Variants in CLASP2 observed in about 807,000 individuals in gnomAD.
CLASP2 encodes cytoplasmic linker associated protein 2, also known as CLIP-associating protein 2.
Under a neutral mutation model 194.4 loss-of-function variants are expected in CLASP2, and 47 were observed. The observed-to-expected ratio is 0.24, with a 90% CI of 0.19 to 0.31. The LOEUF is 0.31. Among genes scored for constraint, CLASP2 ranks in the 10% least tolerant of loss-of-function variants. CLASP2 has a pLI of 1.00. For synonymous variants in CLASP2, 619 were observed against 633.5 expected (o/e 0.98, Z 0.34); for missense variants, 1,445 against 1,823.6 (o/e 0.79, Z 3.78).
intron 12 of CLASP2, among the ~76,000 whole-genome samples, chr3:33,616,811 C>A (rs1401902456): frequency 3.5e-5 from 5 of 143,142 alleles, no homozygotes; most frequent in Non-Finnish European, 1.5e-5. Flanking sequence ...AATCTCGGCT[C>A]ACTGCAACCT....
chr3:33,587,567 T>A (rs2067695127), intron 21 of CLASP2, among the ~76,000 whole-genome samples: 1 of 152,256 alleles, frequency 6.6e-6, no homozygotes, highest in African/African-American at 2.4e-5. Context: ...AAAGCAGTGT[T>A]TCCAATGAAA....
chr3:33,717,825 C>G lies in CLASP2; in HGVS notation c.178G>C (p.Gly60Arg). 3 of 1,560,484 alleles carry G rather than the reference C, an allele frequency of 1.9e-6. No individual in the cohort carries two copies. Among genetic ancestry groups the G allele is most frequent in the Non-Finnish European group, 2.6e-6 (3 of 1,152,942 alleles). Residue 60 changes from glycine to arginine, a missense_variant, in exon 1 of 39, where the codon GGT (glycine) becomes CGT (arginine). Gly to Arg is a moderately radical substitution (Grantham distance 125, BLOSUM62 -2). Coordinates refer to ENST00000682230, the MANE Select transcript of CLASP2 (RefSeq NM_001365631.1). ...TCGCTTACCCGGTAGTTGCTCGAAC[C>G]CACCCAGCCGGTGAGCGCGTCGACT... Reference protein sequence around the residue: ...KTVDALTGWVGSSNYRVSLMG... With the variant: ...KTVDALTGWVRSSNYRVSLMG...
intron 2 of CLASP2, among the ~76,000 whole-genome samples, chr3:33,696,353 CTTTTTTT>C (rs962854814): frequency 1.3e-3 from 70 of 52,744 alleles, no homozygotes; most frequent in African/African-American, 1.9e-3. Context: ...TTCTTTCTTT[CTTTTTTT>C]TTTTTTTTTT....
rs2048189726 is a variant in CLASP2 at position 33,506,377 on chromosome 3, C to CAAAAA, written c.4317+4180_4317+4181insTTTTT. 1.2e-3 allele frequency among the ~76,000 whole-genome samples: 74 copies of CAAAAA among 61,876 alleles called. 13 individuals carry two copies. The highest frequency in any genetic ancestry group is 2.1e-3 in the African/African-American group (36 of 17,540). The allele number at this position is 61,876 out of a possible 152,430, so 40.6% of individuals were successfully genotyped here. A position where few individuals can be genotyped will look rare whatever the true frequency, so the allele number is the denominator to read the frequency against. The stretch of plus-strand genomic sequence containing the variant: ...TGGGTGACAGAGTGAGACTCTGTCT[C>CAAAAA]GAAAAAAAAAAAAAAAAAAAAAAAA... On this transcript the variant is annotated intron_variant, in intron 37 of 38. Coordinates refer to ENST00000682230, the MANE Select transcript of CLASP2 (RefSeq NM_001365631.1).
At chr3:33,682,014 T>C (rs952657007) in intron 6 of CLASP2, among the ~76,000 whole-genome samples, 20 of 151,696 alleles carry the variant, frequency 1.3e-4, no homozygotes, top group Admixed American at 2.0e-4. Flanking sequence ...CCTCATCACT[T>C]TCCACTGTGA....
intron 8 of CLASP2, among the ~76,000 whole-genome samples, chr3:33,639,828 TAATA>T (rs2080957300): frequency 1.3e-5 from 2 of 152,236 alleles, no homozygotes; most frequent in Admixed American, 1.3e-4. Flanking sequence ...GGATTAAAAA[TAATA>T]AATATGTATG....
intron 37 of CLASP2, among the ~76,000 whole-genome samples, chr3:33,507,982 GTA>G (rs1488457890): frequency 6.7e-6 from 1 of 149,818 alleles, no homozygotes; most frequent in African/African-American, 2.4e-5. Context: ...GTGTGTGTGT[GTA>G]TATATATAAT....
chr3:33,666,489 T>C (rs2086194051), intron 6 of CLASP2, among the ~76,000 whole-genome samples: 1 of 152,232 alleles, frequency 6.6e-6, no homozygotes, highest in Non-Finnish European at 1.5e-5. Flanking sequence ...CTTTTGTGAC[T>C]GGCTTCTTTC....
At chr3:33,569,406 T>C (rs2063349736) in intron 26 of CLASP2, among the ~76,000 whole-genome samples, 1 of 152,222 alleles carries the variant, frequency 6.6e-6, no homozygotes, top group Non-Finnish European at 1.5e-5. Context: ...TTAATAACTA[T>C]ATATTTCAAA....
intron 13 of CLASP2, 96 bp from the exon 14 acceptor site, chr3:33,608,722 C>A: frequency 1.8e-6 from 1 of 545,560 alleles, no homozygotes. Context: ...TAAATTAAAG[C>A]ATAAGACATG....
chr3:33,677,092 T>G (rs1027987809), intron 6 of CLASP2, among the ~76,000 whole-genome samples: 5 of 151,854 alleles, frequency 3.3e-5, no homozygotes, highest in Non-Finnish European at 5.9e-5. Context: ...AGGAACACTT[T>G]TACACTGTTG....
Position 33,578,644 on chromosome 3 carries a change from A to C in CLASP2, c.2348-2369T>G, listed in dbSNP as rs548178542. On this transcript the variant is annotated intron_variant, in intron 23 of 38. Coordinates refer to ENST00000682230, the MANE Select transcript of CLASP2 (RefSeq NM_001365631.1). ...GGTATCATTAGAAAAATAAACTAAA[A>C]TACATTGTTAGTTTTAATTTTACCT... 8.5e-5 allele frequency among the ~76,000 whole-genome samples: 13 copies of C among 152,310 alleles called. No individual in the cohort carries two copies. The South Asian group carries it at 2.7e-3, about 32-fold the overall frequency.
At chr3:33,564,923 T>A (rs980730455) in intron 27 of CLASP2, among the ~76,000 whole-genome samples, 2 of 152,092 alleles carry the variant, frequency 1.3e-5, no homozygotes, top group Non-Finnish European at 2.9e-5. Flanking sequence ...TTATATCCTA[T>A]CAATGGTACT....
chr3:33,605,243 A>G (rs2073503144), intron 16 of CLASP2, among the ~76,000 whole-genome samples: 1 of 152,202 alleles, frequency 6.6e-6, no homozygotes, highest in Non-Finnish European at 1.5e-5. Context: ...TTTTAAAAAG[A>G]TCTTCAGGTG....
chr3:33,653,693 C>T (rs868269347), intron 7 of CLASP2, among the ~76,000 whole-genome samples: 8 of 151,966 alleles, frequency 5.3e-5, no homozygotes, highest in Admixed American at 2.6e-4. Context: ...CATCTTAGTC[C>T]AGCAGGATAG....
intron 29 of CLASP2, among the ~76,000 whole-genome samples, chr3:33,552,702 T>C (rs2060234120): frequency 1.3e-5 from 2 of 152,168 alleles, no homozygotes; most frequent in Admixed American, 1.3e-4. Context: ...ACCCCTTTTC[T>C]GTGTGTAGCA....
chr3:33,652,811 C>T lies in CLASP2; in HGVS notation c.716-7908G>A, dbSNP rs545722863. Among the ~76,000 whole-genome samples the T allele has an allele frequency of 5.3e-5, 8 of 152,254 alleles. No individual in the cohort carries two copies. The East Asian group carries it at 9.7e-4, about 18-fold the overall frequency. On this transcript the variant is annotated intron_variant, in intron 7 of 38. Transcript: ENST00000682230. ...AGTCCTCCCCAATCCCAGTAAATAACGTCACCATCTACTCAGCTGCTCAGG... is the reference window on the plus strand; with the variant it reads ...AGTCCTCCCCAATCCCAGTAAATAATGTCACCATCTACTCAGCTGCTCAGG...
chr3:33,612,186 A>G (rs180740769), intron 12 of CLASP2, 115 bp from the exon 13 acceptor site: 61 of 651,466 alleles, frequency 9.4e-5, no homozygotes, highest in Non-Finnish European at 1.4e-4. Flanking sequence ...AAAAGACCAG[A>G]TATTAGATTT....
intron 6 of CLASP2, among the ~76,000 whole-genome samples, chr3:33,673,945 A>G (rs1575487017): frequency 6.6e-6 from 1 of 152,308 alleles, no homozygotes; most frequent in Admixed American, 6.5e-5. Context: ...TCATAAAGAA[A>G]GTCCTGAGTG....
Sources: allele counts gnomAD v4.1 joint callset (sites outside exome capture counted in the v4.1 genomes callset), GRCh38; gene constraint gnomAD v4.1.1; transcripts MANE v1.5; gene names NCBI Gene and HGNC (gene_info 2026-07-23, HGNC 2026-07-21).